The following GPC3 variants were observed in gnomAD, a reference collection of about 807,000 sequenced individuals.
GPC3 encodes glypican 3.
In GPC3, 3 loss-of-function variants were observed where a neutral mutation model predicts 34.4. The ratio of observed to expected loss-of-function variants is 0.09; its 90% CI spans 0.04 to 0.23. The LOEUF is 0.23. Ranked by LOEUF, GPC3 falls within the 10% of genes least tolerant of loss-of-function variation. GPC3 has a pLI of 1.00. For synonymous variants in GPC3, 177 were observed against 174.0 expected (o/e 1.02, Z -0.13); for missense variants, 351 against 445.6 (o/e 0.79, Z 1.91).
At chrX:133,571,599 T>C (rs1438243412) in intron 7 of GPC3, among the ~76,000 whole-genome samples, 2 of 111,770 alleles carry the variant, frequency 1.8e-5, no homozygotes, top group African/African-American at 6.5e-5. Context: ...AGATGGGCTT[T>C]TTGTATTTAA....
At chrX:133,614,147 T>C (rs1278378569) in intron 6 of GPC3, among the ~76,000 whole-genome samples, 1 of 111,427 alleles carries the variant, frequency 9.0e-6, no homozygotes, top group African/African-American at 3.3e-5. Flanking sequence ...AACATATACA[T>C]AATGGATATC....
At chrX:133,646,532 A>T (rs1185980841) in intron 6 of GPC3, among the ~76,000 whole-genome samples, 1 of 111,933 alleles carries the variant, frequency 8.9e-6, no homozygotes, top group East Asian at 2.8e-4. Context: ...TACTCGAGGC[A>T]TGAATCACCA....
intron 5 of GPC3, among the ~76,000 whole-genome samples, chrX:133,674,180 T>C (rs770597745): frequency 8.1e-5 from 9 of 110,677 alleles, no homozygotes; most frequent in Non-Finnish European, 1.5e-4. Context: ...TTAGTTATGA[T>C]GGTGTCACTG....
intron 6 of GPC3, among the ~76,000 whole-genome samples, chrX:133,620,365 C>T (rs1257924507): frequency 9.0e-6 from 1 of 110,766 alleles, no homozygotes; most frequent in East Asian, 2.8e-4. Context: ...ATGATGCCAG[C>T]ACATCAATTA....
chrX:133,739,368 A>G (rs1309914387), intron 3 of GPC3, among the ~76,000 whole-genome samples: 1 of 112,307 alleles, frequency 8.9e-6, no homozygotes, highest in African/African-American at 3.2e-5. Context: ...GCCTCACAGC[A>G]GATTAAATAG....
At chrX:133,695,107 A>G (rs1264137443) in intron 4 of GPC3, among the ~76,000 whole-genome samples, 1 of 111,890 alleles carries the variant, frequency 8.9e-6, no homozygotes, top group Non-Finnish European at 1.9e-5. Context: ...CAGAAGTGGA[A>G]GCAAACGTGT....
chrX:133,809,972 G>A (rs1459558244), intron 2 of GPC3, among the ~76,000 whole-genome samples: 1 of 112,159 alleles, frequency 8.9e-6, no homozygotes. Flanking sequence ...TGTGAACAGA[G>A]ATGAAAGAAG....
chrX:133,835,822 T>C (rs1457683819), intron 2 of GPC3, among the ~76,000 whole-genome samples: 3 of 112,924 alleles, frequency 2.7e-5, no homozygotes, highest in Admixed American at 9.3e-5. Context: ...AAAAAAATCA[T>C]CCTTTCAAAA....
intron 2 of GPC3, among the ~76,000 whole-genome samples, chrX:133,883,254 G>A (rs1275287916): frequency 9.0e-6 from 1 of 111,560 alleles, no homozygotes; most frequent in Non-Finnish European, 1.9e-5. Context: ...TACAAGTACA[G>A]CAGAAGGTTA....
At chrX:133,897,000 G>A (rs1278543892) in intron 2 of GPC3, among the ~76,000 whole-genome samples, 3 of 103,270 alleles carry the variant, frequency 2.9e-5, no homozygotes, top group Non-Finnish European at 5.9e-5. Flanking sequence ...TCCACCTCCC[G>A]GGTTCACGCC....
intron 2 of GPC3, among the ~76,000 whole-genome samples, chrX:133,944,950 A>G (rs868215800): frequency 2.7e-5 from 3 of 111,684 alleles, no homozygotes; most frequent in South Asian, 3.8e-4. Flanking sequence ...CTTAGACACC[A>G]GTCTGCCTGA....
chrX:133,982,340 T>C (rs1204842751), intron 1 of GPC3, among the ~76,000 whole-genome samples: 2 of 112,014 alleles, frequency 1.8e-5, no homozygotes, highest in Admixed American at 1.9e-4. Context: ...TTTCCATCTG[T>C]GGTGCTTTCC....
intron 2 of GPC3, among the ~76,000 whole-genome samples, chrX:133,879,933 C>T (rs972337749): frequency 8.9e-6 from 1 of 112,063 alleles, no homozygotes; most frequent in Non-Finnish European, 1.9e-5. Flanking sequence ...ACATCATCAA[C>T]CATTTCCTTT....
rs996229703 is a variant in GPC3 at position 133,596,367 on chromosome X, C to T, written c.1573+73G>A. 7.6e-5 allele frequency: 69 copies of T among 904,897 alleles called. No homozygotes were observed. In the East Asian group the frequency reaches 1.6e-3, roughly 21 times the overall value. 74.6% of individuals were successfully genotyped at this position (904,897 alleles called of 1,213,427 possible). On this transcript the variant is annotated intron_variant, in intron 7 of 7. Coordinates refer to ENST00000370818, the MANE Select transcript of GPC3 (RefSeq NM_004484.4). ...GGGAATGTAAGGGAATTGCAGACAG[C>T]GGGTTCAATTTATTTTTAATTCCTG... is the stretch of plus-strand genomic sequence containing the variant.
intron 2 of GPC3, among the ~76,000 whole-genome samples, chrX:133,920,828 C>T (rs894785083): frequency 1.8e-5 from 2 of 111,746 alleles, no homozygotes; most frequent in Non-Finnish European, 3.8e-5. Flanking sequence ...AAATTAGTTT[C>T]ATCCAGCTCC....
At chrX:133,957,117 T>TATATATG (rs2076420082) in intron 1 of GPC3, among the ~76,000 whole-genome samples, 3 of 111,615 alleles carry the variant, frequency 2.7e-5, no homozygotes, top group Non-Finnish European at 5.6e-5. Context: ...GATATCCAAA[T>TATATATG]ATAAGTGGAT....
intron 1 of GPC3, among the ~76,000 whole-genome samples, chrX:133,983,456 A>T (rs984304723): frequency 2.4e-4 from 27 of 112,336 alleles, no homozygotes; most frequent in African/African-American, 8.1e-4. Flanking sequence ...TGCTGCAAAG[A>T]GGCAGGCAGC....
At chrX:133,578,056 C>T (rs1050565767) in intron 7 of GPC3, among the ~76,000 whole-genome samples, 2 of 112,056 alleles carry the variant, frequency 1.8e-5, no homozygotes, top group Non-Finnish European at 3.8e-5. Flanking sequence ...TGAGTTTATC[C>T]ACACAAAATG....
chrX:133,628,920 G>A (rs183788981), intron 6 of GPC3, among the ~76,000 whole-genome samples: 103 of 111,053 alleles, frequency 9.3e-4, no homozygotes, highest in Non-Finnish European at 1.2e-3. Flanking sequence ...ATGTCCACGC[G>A]AATCAAGGCC....
Sources: allele counts gnomAD v4.1 joint callset (sites outside exome capture counted in the v4.1 genomes callset), GRCh38; gene constraint gnomAD v4.1.1; transcripts MANE v1.5; gene names NCBI Gene and HGNC (gene_info 2026-07-23, HGNC 2026-07-21).